Variants in CDKL5 observed in about 807,000 individuals in gnomAD.
The protein encoded by CDKL5 is cyclin dependent kinase like 5.
CDKL5 carries 8 observed loss-of-function variants against 61.7 expected under a neutral mutation model. The observed-to-expected ratio is 0.13, with a 90% CI of 0.08 to 0.23. CDKL5 has a LOEUF of 0.23. Ranked by LOEUF, CDKL5 falls within the 10% of genes least tolerant of loss-of-function variation. The pLI, the probability that CDKL5 is intolerant of heterozygous loss-of-function variation, is 1.00. For missense variants in CDKL5, 440 were observed against 734.5 expected, an observed-to-expected ratio of 0.60 and a Z score of 4.63; for synonymous variants, 275 against 272.3, an observed-to-expected ratio of 1.01 and a Z score of -0.10.
intron 1 of CDKL5, among the ~76,000 whole-genome samples, chrX:18,476,772 A>G (rs1921328348): frequency 9.0e-6 from 1 of 111,452 alleles, no homozygotes; most frequent in East Asian, 2.8e-4. Flanking sequence ...ATATAGTTGA[A>G]TCTTTTTTTT....
chrX:18,523,274 A>G (rs1923317823), intron 3 of CDKL5, among the ~76,000 whole-genome samples: 2 of 111,273 alleles, frequency 1.8e-5, no homozygotes, highest in Non-Finnish European at 3.8e-5. Flanking sequence ...ATTAAGCAAT[A>G]ACTCTCTAAT....
At chrX:18,521,962 A>G (rs1243148079) in intron 3 of CDKL5, among the ~76,000 whole-genome samples, 1 of 112,343 alleles carries the variant, frequency 8.9e-6, no homozygotes, top group Non-Finnish European at 1.9e-5. Flanking sequence ...AAATATTGAA[A>G]TTCGGAAGTG....
intron 1 of CDKL5, among the ~76,000 whole-genome samples, chrX:18,488,453 A>G (rs1186255544): frequency 9.0e-6 from 1 of 111,694 alleles, no homozygotes; most frequent in Non-Finnish European, 1.9e-5. Context: ...TGTCTTTTGT[A>G]TGCTAATTGG....
chrX:18,469,765 A>G (rs577765970), intron 1 of CDKL5, among the ~76,000 whole-genome samples: 3 of 111,709 alleles, frequency 2.7e-5, no homozygotes, highest in African/African-American at 9.7e-5. Context: ...TGACTACTTC[A>G]TATGTTTTGT....
chrX:18,489,653 AC>A (rs1418036261), intron 1 of CDKL5, among the ~76,000 whole-genome samples: 2 of 109,909 alleles, frequency 1.8e-5, no homozygotes, highest in African/African-American at 3.3e-5. Flanking sequence ...ACCTGGAAGC[AC>A]CCCCCTCCCC....
rs188377638 is a variant in CDKL5 at position 18,528,783 on chromosome X, A to C, written c.99+17929A>C. Among the ~76,000 whole-genome samples, 8 of 111,234 alleles carry C rather than the reference A, an allele frequency of 7.2e-5. 1 individual carries two copies. In the East Asian group the frequency reaches 2.3e-3, roughly 31 times the overall value. ...TGTGTAGCTGGGACTACAGGTGTGC[A>C]CTGCCATGCCTGGCTAACTTTTTGT... On this transcript the variant is annotated intron_variant, in intron 3 of 17. Coordinates refer to ENST00000623535, the MANE Select transcript of CDKL5 (RefSeq NM_001323289.2).
intron 1 of CDKL5, among the ~76,000 whole-genome samples, chrX:18,448,060 T>A (rs1475951142): frequency 9.0e-6 from 1 of 111,175 alleles, no homozygotes; most frequent in Non-Finnish European, 1.9e-5. Flanking sequence ...CTTAAATTCT[T>A]CCATGACTTT....
At chrX:18,464,984 A>G (rs1449804993) in intron 1 of CDKL5, among the ~76,000 whole-genome samples, 2 of 111,888 alleles carry the variant, frequency 1.8e-5, no homozygotes, top group Admixed American at 1.9e-4. Flanking sequence ...CTTTTCCTTT[A>G]TGGTGGGTGC....
chrX:18,595,574 G>T (rs769345270), intron 10 of CDKL5, 146 bp downstream of exon 10: 4 of 459,325 alleles, frequency 8.7e-6, no homozygotes, highest in African/African-American at 2.4e-5. Context: ...ATATTAAAAG[G>T]CATGTAACTT....
intron 3 of CDKL5, chrX:18,535,760 A>G (rs1385032380): frequency 7.6e-6 from 1 of 131,196 alleles, no homozygotes; most frequent in Non-Finnish European, 1.6e-5. Flanking sequence ...TCAGTGTCTC[A>G]TTTAAGAGCA....
downstream of CDKL5, chrX:18,640,315 G>A (rs1722016065): frequency 9.1e-6 from 1 of 109,553 alleles, no homozygotes; most frequent in Admixed American, 9.9e-5. Flanking sequence ...CTGCCATTTT[G>A]TCTGACAGTC....
rs1170174445 is a variant in CDKL5 at position 18,568,353 on chromosome X, T to C, written c.145+3831T>C. Among the ~76,000 whole-genome samples the C allele has an allele frequency of 3.6e-5, 4 of 112,537 alleles. 1 individual carries two copies. The highest frequency in any genetic ancestry group is 7.5e-5 in the Non-Finnish European group (4 of 53,322). ...ACTACTATTTAGTTCAAGAAGTCTT[T>C]ATTATCCCAGGATGATAGATCACTA... On this transcript the variant is annotated intron_variant, in intron 4 of 17. Coordinates refer to ENST00000623535, the MANE Select transcript of CDKL5 (RefSeq NM_001323289.2).
At chrX:18,597,835 ATCC>A (rs1392669048) in intron 10 of CDKL5, among the ~76,000 whole-genome samples, 4 of 110,618 alleles carry the variant, frequency 3.6e-5, no homozygotes, top group Non-Finnish European at 7.6e-5. Context: ...ACGTCAGATG[ATCC>A]TCCTGCCTCG....
chrX:18,450,581 G>A (rs1172845778), intron 1 of CDKL5, among the ~76,000 whole-genome samples: 1 of 111,194 alleles, frequency 9.0e-6, no homozygotes, highest in Non-Finnish European at 1.9e-5. Flanking sequence ...ACATTTTGAG[G>A]CTTTTTTTTT....
At chrX:18,501,815 C>T (rs1922399368) in intron 1 of CDKL5, among the ~76,000 whole-genome samples, 2 of 112,204 alleles carry the variant, frequency 1.8e-5, no homozygotes, top group South Asian at 7.3e-4. Context: ...TCCCAAAGTG[C>T]TGGGATTACA....
chrX:18,475,040 G>A (rs1297294349), intron 1 of CDKL5, among the ~76,000 whole-genome samples: 2 of 103,919 alleles, frequency 1.9e-5, no homozygotes. Context: ...CACTGCAACC[G>A]CTACCTCCTG....
At position 18,638,729 on chromosome X, in the gene CDKL5, T is replaced by A. The variant is rs893577024; in HGVS notation, c.*9972T>A. ...TTTGCAATGATGGACAAGTTAGTTATAATTCATATGGAAATTCAAGGAACC... is the reference window on the plus strand; with the variant it reads ...TTTGCAATGATGGACAAGTTAGTTAAAATTCATATGGAAATTCAAGGAACC... On this transcript the variant is annotated 3_prime_UTR_variant, in exon 18 of 18. Coordinates refer to ENST00000623535, the MANE Select transcript of CDKL5 (RefSeq NM_001323289.2). Among the ~76,000 whole-genome samples, 1 of 112,245 alleles carries A rather than the reference T, an allele frequency of 8.9e-6. No individual in the cohort carries two copies. The highest frequency in any genetic ancestry group is 1.9e-5 in the Non-Finnish European group (1 of 53,294).
chrX:18,528,465 C>G (rs1923526606), intron 3 of CDKL5, among the ~76,000 whole-genome samples: 1 of 109,701 alleles, frequency 9.1e-6, no homozygotes, highest in Non-Finnish European at 1.9e-5. Context: ...AATGATTTTC[C>G]TTGTTCTGAA....
At chrX:18,470,630 A>G (rs186269404) in intron 1 of CDKL5, among the ~76,000 whole-genome samples, 20 of 111,431 alleles carry the variant, frequency 1.8e-4, no homozygotes, top group African/African-American at 6.2e-4. Flanking sequence ...GTACACAATT[A>G]TAAGAGGTGC....
Sources: gnomAD v4.1 joint callset for allele counts (sites outside exome capture counted in the v4.1 genomes callset) on GRCh38, gnomAD v4.1.1 for gene constraint, MANE v1.5 for transcripts, NCBI Gene and HGNC (gene_info 2026-07-23, HGNC 2026-07-21) for gene names.